Variants in NT5DC3 observed in about 807,000 individuals in gnomAD.
NT5DC3 encodes the protein 5'-nucleotidase domain containing 3, also known as 5'-nucleotidase domain-containing protein 3.
In NT5DC3, 42 loss-of-function variants were observed where a neutral mutation model predicts 67.8. The ratio of observed to expected loss-of-function variants is 0.62; its 90% confidence interval spans 0.48 to 0.80. The LOEUF is 0.80. Among genes scored for constraint, NT5DC3 ranks in the 30% least tolerant of loss-of-function variants. NT5DC3 has a pLI of 0.00. For synonymous variants in NT5DC3, 237 were observed against 255.6 expected (o/e 0.93, Z 0.69); for missense variants, 570 against 696.4 (o/e 0.82, Z 2.04).
chr12:103,750,532 G>C, the NT5DC3 span: 7 of 1,605,862 alleles, frequency 4.4e-6, no homozygotes, highest in Admixed American at 1.7e-5. Flanking sequence ...GCATCCTGGG[G>C]TCCTAGAGAA....
intron 3 of NT5DC3, 96 bp downstream of exon 3, chr12:103,806,759 A>G: frequency 2.6e-6 from 2 of 775,956 alleles, no homozygotes. Context: ...AACATAATTT[A>G]AAACTAATTT....
chr12:103,753,548 G>A, the NT5DC3 span, among the ~76,000 whole-genome samples: 1 of 152,198 alleles, frequency 6.6e-6, no homozygotes, highest in Admixed American at 6.5e-5. Context: ...AGGGTACTTC[G>A]TGGATATTAT....
At chr12:103,817,571 A>G (rs2139429683) in intron 1 of NT5DC3, among the ~76,000 whole-genome samples, 1 of 150,354 alleles carries the variant, frequency 6.7e-6, no homozygotes, top group Non-Finnish European at 1.5e-5. Flanking sequence ...CTTACCATGT[A>G]CCACATGCTA....
intron 9 of NT5DC3, among the ~76,000 whole-genome samples, chr12:103,791,368 A>G (rs2139334654): frequency 6.6e-6 from 1 of 152,208 alleles, no homozygotes; most frequent in South Asian, 2.1e-4. Context: ...CAGCTACTGT[A>G]GGGCCCCCAA....
At chr12:103,779,239 G>A (rs1885452389) in intron 13 of NT5DC3, among the ~76,000 whole-genome samples, 1 of 152,044 alleles carries the variant, frequency 6.6e-6, no homozygotes, top group African/African-American at 2.4e-5. Flanking sequence ...ATAACCCCCT[G>A]CAGTCATCCT....
chr12:103,758,101 C>T, the NT5DC3 span: 13 of 1,602,298 alleles, frequency 8.1e-6, no homozygotes, highest in South Asian at 5.5e-5. Context: ...TGCCCTGGGA[C>T]CTTCTTCAGC....
At chr12:103,801,536 C>T (rs1228295920) in intron 4 of NT5DC3, among the ~76,000 whole-genome samples, 2 of 151,806 alleles carry the variant, frequency 1.3e-5, no homozygotes, top group South Asian at 4.2e-4. Context: ...GCACCCACCA[C>T]CACGCCCGGC....
At chr12:103,750,256 A>T in the NT5DC3 span, among the ~76,000 whole-genome samples, 1 of 152,154 alleles carries the variant, frequency 6.6e-6, no homozygotes, top group Non-Finnish European at 1.5e-5. Flanking sequence ...AATGCATGGA[A>T]TTTTTTCAGA....
At chr12:103,767,318 C>A (rs1371301971), downstream of NT5DC3, among the ~76,000 whole-genome samples, 3 of 152,120 alleles carry the variant, frequency 2.0e-5, no homozygotes, top group Admixed American at 2.0e-4. Context: ...TCACAAAGGA[C>A]CACATATCAT....
intron 1 of NT5DC3, among the ~76,000 whole-genome samples, chr12:103,839,438 T>C (rs1168065580): frequency 6.6e-6 from 1 of 152,150 alleles, no homozygotes; most frequent in East Asian, 1.9e-4. Context: ...TTTGTAGAGA[T>C]TGGGTTTTCC....
the NT5DC3 span, chr12:103,763,251 AT>A: frequency 2.0e-6 from 1 of 495,980 alleles, no homozygotes; most frequent in Admixed American, 3.3e-5. Context: ...ATCCTGGGGT[AT>A]GGAAATGCCC....
At chr12:103,779,150 T>C (rs973251136) in intron 13 of NT5DC3, among the ~76,000 whole-genome samples, 1 of 152,202 alleles carries the variant, frequency 6.6e-6, no homozygotes. Context: ...TTATGTGATG[T>C]AAATCTCCCC....
At chr12:103,756,286 A>C in the NT5DC3 span, among the ~76,000 whole-genome samples, 1 of 152,254 alleles carries the variant, frequency 6.6e-6, no homozygotes, top group Non-Finnish European at 1.5e-5. Context: ...TTTGGTGCTG[A>C]CTGATCAAAG....
intron 2 of NT5DC3, among the ~76,000 whole-genome samples, chr12:103,813,346 C>A (rs750840035): frequency 6.6e-5 from 10 of 152,158 alleles, no homozygotes; most frequent in Non-Finnish European, 1.2e-4. Context: ...CTTGAACAAA[C>A]GAGACCTGCT....
At chr12:103,756,438 C>A in the NT5DC3 span, among the ~76,000 whole-genome samples, 4 of 151,930 alleles carry the variant, frequency 2.6e-5, no homozygotes, top group African/African-American at 9.7e-5. Context: ...CATTGTCTCC[C>A]CAAACCCTCA....
chr12:103,809,156 C>A (rs963688474), intron 2 of NT5DC3, among the ~76,000 whole-genome samples: 3 of 152,252 alleles, frequency 2.0e-5, no homozygotes, highest in African/African-American at 4.8e-5. Flanking sequence ...CTCATCGCCT[C>A]CCTGTGACAG....
chr12:103,796,103 T>G (rs2139352550), intron 6 of NT5DC3, among the ~76,000 whole-genome samples: 1 of 152,346 alleles, frequency 6.6e-6, no homozygotes. Flanking sequence ...TTGCATGACT[T>G]TTGCAGGACT....
At chr12:103,824,495 T>C (rs756133626) in intron 1 of NT5DC3, among the ~76,000 whole-genome samples, 10 of 152,222 alleles carry the variant, frequency 6.6e-5, no homozygotes, top group African/African-American at 9.6e-5. Context: ...CAGTCACAGC[T>C]GCTGGTCCAG....
chr12:103,801,769 ACTCTTCTC>A, intron 4 of NT5DC3, among the ~76,000 whole-genome samples: 1 of 152,088 alleles, frequency 6.6e-6, no homozygotes, highest in East Asian at 1.9e-4. Flanking sequence ...GCCCTGTAAT[ACTCTTCTC>A]TGAGTGGTGC....
Sources: gnomAD v4.1 joint callset for allele counts (sites outside exome capture counted in the v4.1 genomes callset) on GRCh38, gnomAD v4.1.1 for gene constraint, MANE v1.5 for transcripts, NCBI Gene and HGNC (gene_info 2026-07-23, HGNC 2026-07-21) for gene names.